Variants in MAF observed in about 807,000 individuals in gnomAD.
MAF encodes transcription factor Maf.
MAF carries 10 observed loss-of-function variants against 22.0 expected under a neutral mutation model. The observed-to-expected ratio is 0.45, with a 90% CI of 0.28 to 0.77. MAF has a LOEUF of 0.77. MAF is among the 30% of genes least tolerant of loss of function. The probability of loss-of-function intolerance (pLI) is 0.12; values close to 1 mark genes in which losing one functional copy is unlikely to be tolerated. For synonymous variants in MAF, 337 were observed against 255.8 expected (o/e 1.32, Z -3.03); for missense variants, 544 against 548.4 (o/e 0.99, Z 0.08).
chr16:79,555,633 C>G, the MAF span, among the ~76,000 whole-genome samples: 1 of 152,172 alleles, frequency 6.6e-6, no homozygotes, highest in Non-Finnish European at 1.5e-5. Flanking sequence ...GAAGTGTTTG[C>G]ACACCAACAT....
the MAF span, among the ~76,000 whole-genome samples, chr16:79,272,890 C>A: frequency 6.6e-6 from 1 of 152,110 alleles, no homozygotes; most frequent in African/African-American, 2.4e-5. Context: ...GCTTGATTGA[C>A]CCCCTTGCCA....
the MAF span, among the ~76,000 whole-genome samples, chr16:79,548,004 A>G: frequency 2.0e-5 from 3 of 152,296 alleles, no homozygotes; most frequent in Middle Eastern, 3.4e-3. Context: ...TGGGCTCAGC[A>G]AAGAAACAGG....
chr16:79,559,002 T>TAC, the MAF span, among the ~76,000 whole-genome samples: 1 of 152,222 alleles, frequency 6.6e-6, no homozygotes, highest in Middle Eastern at 3.2e-3. Flanking sequence ...CAAAACCCCT[T>TAC]ACCTAGGATG....
At chr16:79,570,289 T>C in the MAF span, among the ~76,000 whole-genome samples, 7 of 152,232 alleles carry the variant, frequency 4.6e-5, 1 homozygote, top group East Asian at 1.4e-3. Context: ...CCTTCCAAAA[T>C]GTCCTGTTAT....
chr16:79,475,350 GTA>G, the MAF span, among the ~76,000 whole-genome samples: 1 of 110,760 alleles, frequency 9.0e-6, no homozygotes, highest in Non-Finnish European at 2.1e-5. Context: ...ATATATATAT[GTA>G]TGTATATATA....
At chr16:79,234,378 T>G in the MAF span, among the ~76,000 whole-genome samples, 1 of 152,128 alleles carries the variant, frequency 6.6e-6, no homozygotes, top group East Asian at 1.9e-4. Flanking sequence ...AAGAAATATG[T>G]TCAATATCTT....
chr16:79,563,505 C>A, the MAF span, among the ~76,000 whole-genome samples: 25 of 120,478 alleles, frequency 2.1e-4, no homozygotes, highest in East Asian at 3.7e-3. Flanking sequence ...AGACTTGGCA[C>A]CAAAAAAAAA....
chr16:79,211,679 C>A, the MAF span: 2 of 1,614,238 alleles, frequency 1.2e-6, no homozygotes, highest in Non-Finnish European at 1.7e-6. Context: ...GGATGTACTT[C>A]AACAACTGCT....
At chr16:79,353,934 G>A in the MAF span, among the ~76,000 whole-genome samples, 1 of 152,146 alleles carries the variant, frequency 6.6e-6, no homozygotes, top group Admixed American at 6.5e-5. Context: ...TTACCAGCAT[G>A]CCATGGTCTT....
the MAF span, among the ~76,000 whole-genome samples, chr16:79,445,114 A>T: frequency 2.0e-5 from 3 of 152,050 alleles, no homozygotes; most frequent in Non-Finnish European, 4.4e-5. Context: ...GCTCACTGCA[A>T]GCTCCTCCTC....
the MAF span, among the ~76,000 whole-genome samples, chr16:79,255,050 T>A: frequency 6.6e-6 from 1 of 152,216 alleles, no homozygotes; most frequent in Non-Finnish European, 1.5e-5. Context: ...TGCCTACCAC[T>A]GTTCACCGGT....
At chr16:79,266,642 C>T in the MAF span, among the ~76,000 whole-genome samples, 2 of 152,178 alleles carry the variant, frequency 1.3e-5, no homozygotes, top group African/African-American at 2.4e-5. Context: ...ATTAAGCTTC[C>T]AAGCTTCAAC....
the MAF span, among the ~76,000 whole-genome samples, chr16:79,372,183 G>C: frequency 6.8e-6 from 1 of 148,078 alleles, no homozygotes; most frequent in South Asian, 2.1e-4. Flanking sequence ...TGTTTAATTT[G>C]AGATCAGTAA....
At chr16:79,314,040 A>G in the MAF span, among the ~76,000 whole-genome samples, 3 of 152,178 alleles carry the variant, frequency 2.0e-5, no homozygotes, top group African/African-American at 7.2e-5. Context: ...TGCGGCCAGA[A>G]TTTTTTGATT....
the MAF span, among the ~76,000 whole-genome samples, chr16:79,297,814 C>G: frequency 6.6e-6 from 1 of 152,158 alleles, no homozygotes; most frequent in South Asian, 2.1e-4. Flanking sequence ...CATGGGTTCC[C>G]CAACCTCCAA....
At chr16:79,276,088 C>A in the MAF span, among the ~76,000 whole-genome samples, 1 of 151,992 alleles carries the variant, frequency 6.6e-6, no homozygotes, top group East Asian at 1.9e-4. Flanking sequence ...TTGCAGTGAG[C>A]CGAGATCGTG....
the MAF span, among the ~76,000 whole-genome samples, chr16:79,288,897 T>C: frequency 6.6e-6 from 1 of 152,092 alleles, no homozygotes; most frequent in Non-Finnish European, 1.5e-5. Context: ...GCCCAGCTAA[T>C]TTTTCTATTT....
At chr16:79,474,251 T>C in the MAF span, among the ~76,000 whole-genome samples, 1 of 152,232 alleles carries the variant, frequency 6.6e-6, no homozygotes, top group Admixed American at 6.5e-5. Flanking sequence ...CTGGAAACCT[T>C]AACGCATTTT....
intron 1 of MAF, among the ~76,000 whole-genome samples, chr16:79,587,356 C>T (rs1205329502): frequency 5.9e-5 from 9 of 151,746 alleles, no homozygotes; most frequent in Non-Finnish European, 1.3e-4. Flanking sequence ...GGAAGTGTAT[C>T]AGTATCAGTT....
Sources: gnomAD v4.1 joint callset for allele counts (sites outside exome capture counted in the v4.1 genomes callset) on GRCh38, gnomAD v4.1.1 for gene constraint, MANE v1.5 for transcripts, NCBI Gene and HGNC (gene_info 2026-07-23, HGNC 2026-07-21) for gene names.